Variants in ASS1 observed in about 807,000 individuals in gnomAD.
The protein encoded by ASS1 is argininosuccinate synthase 1.
A neutral mutation model predicts 60.5 loss-of-function variants in ASS1; 58 were observed. The observed-to-expected ratio is 0.96, with a 90% CI of 0.78 to 1.19. The LOEUF (loss-of-function observed/expected upper bound fraction) is 1.19, where lower values mean the gene tolerates loss of function less well. Among genes scored for constraint, ASS1 ranks in the 50% most tolerant of loss-of-function variants. The probability of loss-of-function intolerance (pLI) is 0.00; values close to 1 mark genes in which losing one functional copy is unlikely to be tolerated. For missense variants in ASS1, 454 were observed against 547.3 expected (o/e 0.83, Z 1.70); for synonymous variants, 200 against 206.9 (o/e 0.97, Z 0.29).
At chr9:130,475,624 G>A (rs759954827) in intron 8 of ASS1, among the ~76,000 whole-genome samples, 17 of 152,114 alleles carry the variant, frequency 1.1e-4, no homozygotes, top group Non-Finnish European at 2.1e-4. Context: ...AGTCCCTCCC[G>A]CTCAGCCTCA....
chr9:130,447,711 A>C (rs1445053692), intron 1 of ASS1, among the ~76,000 whole-genome samples: 1 of 152,164 alleles, frequency 6.6e-6, no homozygotes, highest in African/African-American at 2.4e-5. Context: ...TTCAGCCAGG[A>C]TCTGCCTGCC....
intron 3 of ASS1, among the ~76,000 whole-genome samples, chr9:130,455,932 G>A (rs1331157044): frequency 6.6e-6 from 1 of 152,226 alleles, no homozygotes; most frequent in African/African-American, 2.4e-5. Context: ...TCCCTCCTTG[G>A]TTCTGTGCCT....
intron 5 of ASS1, among the ~76,000 whole-genome samples, chr9:130,466,158 T>A (rs1428774865): frequency 6.6e-6 from 1 of 152,136 alleles, no homozygotes; most frequent in Non-Finnish European, 1.5e-5. Context: ...CCTGGTGAGC[T>A]CCAGGGCTGA....
chr9:130,457,275 A>T (rs1053871515), intron 3 of ASS1, among the ~76,000 whole-genome samples: 3 of 152,134 alleles, frequency 2.0e-5, no homozygotes, highest in Non-Finnish European at 2.9e-5. Flanking sequence ...TTTATGAAGA[A>T]AACTGGGCAA....
chr9:130,480,583 C>A, intron 11 of ASS1, 134 bp downstream of exon 11: 1 of 901,118 alleles, frequency 1.1e-6, no homozygotes, highest in South Asian at 1.4e-5. Context: ...TTCACCACAC[C>A]CCGTGAGACC....
chr9:130,481,048 C>T (rs1846161339), intron 11 of ASS1, among the ~76,000 whole-genome samples: 1 of 152,216 alleles, frequency 6.6e-6, no homozygotes, highest in African/African-American at 2.4e-5. Flanking sequence ...TCTAGCCTGC[C>T]TAGCCTCGTA....
chr9:130,487,797 C>T (rs2118860987), intron 11 of ASS1, among the ~76,000 whole-genome samples: 1 of 151,716 alleles, frequency 6.6e-6, no homozygotes, highest in Non-Finnish European at 1.5e-5. Context: ...GTCACCCAGG[C>T]TGGAGTGCAG....
Position 130,499,522 on chromosome 9 carries a change from A to T in ASS1, c.1145A>T (p.Asp382Val), listed in dbSNP as rs770243951. ...CCTTGCAGCATGAACGTGCAGGGTG[A>T]TTATGAGCCAACTGATGCCACCGGG... ...EELVSMNVQG[D>V]YEPTDATGFI... The change falls in exon 14 of 15, where the codon GAT (aspartate) becomes GTT (valine). Residue 382 changes from aspartate (D) to valine (V), a missense_variant. Coordinates refer to ENST00000352480, the MANE Select transcript of ASS1 (RefSeq NM_054012.4). 1 of 1,613,842 alleles carries T rather than the reference A, an allele frequency of 6.2e-7. No individual in the cohort carries two copies. The highest frequency in any genetic ancestry group is 1.7e-5 in the Admixed American group (1 of 59,994).
rs1162283469 is a variant in ASS1, at chr9:130,491,349, C to A, written c.970+1885C>A. Among the ~76,000 whole-genome samples, 1 of 152,188 alleles carries A rather than the reference C, an allele frequency of 6.6e-6. No homozygotes were observed. The highest frequency in any genetic ancestry group is 1.5e-5 in the Non-Finnish European group (1 of 68,032). ...GGCTGCTCCGGGGCCTCCACGGAGG[C>A]TGATCCCACCGTGGCCGCGGCCACG... On this transcript the variant is annotated intron_variant, in intron 12 of 14. Transcript: ENST00000352480. The surrounding 1 kb of genome is among the most constrained non-coding windows in gnomAD (Gnocchi z 5.3).
intron 8 of ASS1, among the ~76,000 whole-genome samples, chr9:130,475,440 G>A (rs1463207310): frequency 7.2e-5 from 11 of 152,238 alleles, no homozygotes; most frequent in Non-Finnish European, 1.5e-5. Context: ...GCTGGAGGAA[G>A]TGAAGCTTCC....
rs1846523952 is a variant in ASS1 at position 130,494,137 on chromosome 9, G to A, written c.971-730G>A. On this transcript the variant is annotated intron_variant, in intron 12 of 14. Transcript: ENST00000352480. The surrounding 1 kb of genome is among the most constrained non-coding windows in gnomAD (Gnocchi z 4.3). ...AGTGCTGTCTATGAGGATTCAGGGA[G>A]CTAGCCCAGATCAAAGCCTGAGCGC... is the stretch of plus-strand genomic sequence containing the variant. Among the ~76,000 whole-genome samples, 1 of 152,208 alleles carries A rather than the reference G, an allele frequency of 6.6e-6. No homozygotes were observed. The highest frequency in any genetic ancestry group is 1.5e-5 in the Non-Finnish European group (1 of 68,032).
intron 14 of ASS1, 81 bp from the exon 15 acceptor site, chr9:130,500,895 A>G (rs906907424): frequency 1.3e-6 from 2 of 1,498,710 alleles, no homozygotes; most frequent in African/African-American, 2.8e-5. Flanking sequence ...CAGCCACCCC[A>G]GCTCTGCCTG....
chr9:130,452,451 T>C, intron 2 of ASS1, 118 bp downstream of exon 2: 1 of 828,982 alleles, frequency 1.2e-6, no homozygotes, highest in Non-Finnish European at 2.1e-6. Context: ...CATTCAAGCC[T>C]GGCCTCTTCT....
chr9:130,467,950 G>A (rs1845785741), intron 6 of ASS1, among the ~76,000 whole-genome samples: 1 of 152,146 alleles, frequency 6.6e-6, no homozygotes, highest in African/African-American at 2.4e-5. Context: ...GCACACTGCT[G>A]TCCTTCCTTC....
chr9:130,453,583 G>A (rs888928862), intron 2 of ASS1, among the ~76,000 whole-genome samples: 4 of 152,230 alleles, frequency 2.6e-5, no homozygotes, highest in Non-Finnish European at 5.9e-5. Flanking sequence ...CTGGAGCTGG[G>A]CGTATAGACC....
At chr9:130,447,650 C>T (rs1320480814) in intron 1 of ASS1, among the ~76,000 whole-genome samples, 1 of 152,166 alleles carries the variant, frequency 6.6e-6, no homozygotes, top group Admixed American at 6.5e-5. Context: ...CCTGCCGTGG[C>T]CCTTTCTGGG....
At position 130,489,246 on chromosome 9, in the gene ASS1, T is replaced by A. The variant is rs1564160269; in HGVS notation, c.839-87T>A. 2 of 1,277,428 alleles carry A rather than the reference T, an allele frequency of 1.6e-6. No individual in the cohort carries two copies. The highest frequency in any genetic ancestry group is 2.1e-6 in the Non-Finnish European group (2 of 931,638). The allele number at this position is 1,277,428 out of a possible 1,614,324, so 79.1% of individuals were successfully genotyped here. A position where few individuals can be genotyped will look rare whatever the true frequency, so the allele number is the denominator to read the frequency against. On this transcript the variant is annotated intron_variant, in intron 11 of 14. Transcript: ENST00000352480. The surrounding 1 kb of genome is among the most constrained non-coding windows in gnomAD (Gnocchi z 4.1). ...GTCAGACGACTCATTATTATTATTA[T>A]TTTTTTTTTTGTCATTTGCTGACAG...
In ASS1 at chr9:130,494,804, G is replaced by A. The variant is rs1303014301; in HGVS notation, c.971-63G>A. 1.9e-6 allele frequency: 3 copies of A among 1,598,708 alleles called. No homozygotes were observed. The Admixed American group carries it at 5.0e-5, about 27-fold the overall frequency. ...ATGGGGCACCCTTCCTGTGCCCCAG[G>A]TCTCCCTGTGTCCTCGCGGTGCAGG... is the stretch of plus-strand genomic sequence containing the variant. On this transcript the variant is annotated intron_variant, in intron 12 of 14. Transcript: ENST00000352480. The surrounding 1 kb of genome is among the most constrained non-coding windows in gnomAD (Gnocchi z 4.3).
rs934534235 is a variant in ASS1 at position 130,491,228 on chromosome 9, C to T, written c.970+1764C>T. Among the ~76,000 whole-genome samples the T allele has an allele frequency of 6.6e-6, 1 of 152,198 alleles. No homozygotes were observed. The highest frequency in any genetic ancestry group is 2.4e-5 in the African/African-American group (1 of 41,446). On this transcript the variant is annotated intron_variant, in intron 12 of 14. Coordinates refer to ENST00000352480, the MANE Select transcript of ASS1 (RefSeq NM_054012.4). The surrounding 1 kb of genome is among the most constrained non-coding windows in gnomAD (Gnocchi z 5.3). ...CTTAAATACCATTGTCTCCTGCAGG[C>T]TTTCCAGCCCGGCGGGATTGCGACC...
Sources: allele counts gnomAD v4.1 joint callset (sites outside exome capture counted in the v4.1 genomes callset), GRCh38; gene constraint gnomAD v4.1.1; non-coding constraint Gnocchi (gnomAD v3.1); transcripts MANE v1.5; gene names NCBI Gene and HGNC (gene_info 2026-07-23, HGNC 2026-07-21).